Variants in SPATA13 observed in about 807,000 individuals in gnomAD.
SPATA13 encodes the protein spermatogenesis associated 13, also known as spermatogenesis-associated protein 13.
A neutral mutation model predicts 104.0 loss-of-function variants in SPATA13; 50 were observed. The ratio of observed to expected loss-of-function variants is 0.48; its 90% CI spans 0.38 to 0.61. The LOEUF is 0.61. SPATA13 is among the 20% of genes least tolerant of loss of function. The probability of loss-of-function intolerance (pLI) is 0.00; values close to 1 mark genes in which losing one functional copy is unlikely to be tolerated. For missense variants in SPATA13, 1,524 were observed against 1,690.6 expected, an observed-to-expected ratio of 0.90 and a Z score of 1.73; for synonymous variants, 606 against 667.5, an observed-to-expected ratio of 0.91 and a Z score of 1.42.
At chr13:24,245,134 G>A (rs191642709) in intron 2 of SPATA13, among the ~76,000 whole-genome samples, 15 of 152,294 alleles carry the variant, frequency 9.8e-5, no homozygotes, top group Admixed American at 3.9e-4. Context: ...GGCCCCGGCA[G>A]CCCACGCCGG....
At chr13:23,983,839 C>T (rs1271216101) in exon 2 of SPATA13, 12 of 977,880 alleles carry the variant, frequency 1.2e-5, no homozygotes, top group African/African-American at 5.3e-5. Context: ...GAGTCATATT[C>T]GCTGCCTGTG....
intron 4 of SPATA13, among the ~76,000 whole-genome samples, chr13:24,272,420 G>A (rs1236570632): frequency 2.0e-5 from 3 of 152,196 alleles, no homozygotes; most frequent in Non-Finnish European, 4.4e-5. Flanking sequence ...TCCTATATGC[G>A]CTATACTGAG....
chr13:24,180,061 G>A (rs1010861385), intron 1 of SPATA13, among the ~76,000 whole-genome samples: 26 of 152,114 alleles, frequency 1.7e-4, no homozygotes, highest in Admixed American at 1.2e-3. Context: ...TCATAGTGTT[G>A]TATTTGAGAA....
At chr13:24,260,428 C>T (rs915707657) in intron 4 of SPATA13, among the ~76,000 whole-genome samples, 4 of 152,218 alleles carry the variant, frequency 2.6e-5, no homozygotes, top group Admixed American at 1.3e-4. Context: ...GGCTCCTCTT[C>T]ACTGGTCCCA....
At chr13:24,016,120 T>C (rs1334631802) in intron 2 of SPATA13, among the ~76,000 whole-genome samples, 1 of 152,186 alleles carries the variant, frequency 6.6e-6, no homozygotes, top group Non-Finnish European at 1.5e-5. Flanking sequence ...GACTCGGGAC[T>C]CTGCGTATGT....
At chr13:24,239,466 G>A (rs184262631) in intron 2 of SPATA13, among the ~76,000 whole-genome samples, 8 of 152,090 alleles carry the variant, frequency 5.3e-5, no homozygotes, top group Admixed American at 3.9e-4. Context: ...ATGCTGAGGC[G>A]GGTGGATCCC....
chr13:24,076,912 T>A (rs1032592744), intron 3 of SPATA13, among the ~76,000 whole-genome samples: 2 of 151,966 alleles, frequency 1.3e-5, no homozygotes, highest in African/African-American at 4.8e-5. Context: ...ACACAGTCAT[T>A]GCAGCAGATC....
chr13:24,015,336 T>C (rs1306440417), intron 2 of SPATA13, among the ~76,000 whole-genome samples: 1 of 152,202 alleles, frequency 6.6e-6, no homozygotes, highest in East Asian at 1.9e-4. Context: ...TTTTCCCAAA[T>C]AGAGAACCTA....
At chr13:24,144,733 T>C (rs1005165795) in intron 3 of SPATA13, among the ~76,000 whole-genome samples, 3 of 152,002 alleles carry the variant, frequency 2.0e-5, no homozygotes, top group Non-Finnish European at 4.4e-5. Context: ...TAGTTGGTGT[T>C]TTCTTGACCA....
chr13:24,060,168 CT>C (rs1482330427), intron 3 of SPATA13, among the ~76,000 whole-genome samples: 1 of 152,202 alleles, frequency 6.6e-6, no homozygotes, highest in Non-Finnish European at 1.5e-5. Flanking sequence ...TATTACCTGA[CT>C]TAAAACTATA....
intron 2 of SPATA13, among the ~76,000 whole-genome samples, chr13:24,008,418 C>G (rs1012336327): frequency 6.6e-6 from 1 of 152,206 alleles, no homozygotes; most frequent in Non-Finnish European, 1.5e-5. Context: ...CGCTGATGCT[C>G]CATAGCCGGC....
At chr13:24,000,911 C>T (rs929320334) in intron 2 of SPATA13, among the ~76,000 whole-genome samples, 14 of 151,808 alleles carry the variant, frequency 9.2e-5, no homozygotes, top group Non-Finnish European at 1.3e-4. Context: ...CGGGAGATTC[C>T]CTGGGTCAGA....
chr13:24,305,480 TACC>T lies in SPATA13; in HGVS notation c.*2710_*2712del, dbSNP rs900329039. 6.6e-6 allele frequency: 1 copy of T among 152,254 alleles called. No individual in the cohort carries two copies. The highest frequency in any genetic ancestry group is 2.4e-5 in the African/African-American group (1 of 41,468). 9.4% of individuals were successfully genotyped at this position (152,254 alleles called of 1,614,324 possible). A position where few individuals can be genotyped will look rare whatever the true frequency, so the allele number is the denominator to read the frequency against. Reference sequence around the variant, plus strand: ...TCTGCATGTCTGGCTTGGGTTTTATTACCACATGCCTGAGTTCTTCAAGAATGG... The same window carrying T: ...TCTGCATGTCTGGCTTGGGTTTTATTACATGCCTGAGTTCTTCAAGAATGG... On this transcript the variant is annotated 3_prime_UTR_variant, in exon 13 of 13. Transcript: ENST00000382108.
chr13:24,275,737 CA>C (rs1460247829), intron 4 of SPATA13, among the ~76,000 whole-genome samples: 1 of 152,168 alleles, frequency 6.6e-6, no homozygotes, highest in Non-Finnish European at 1.5e-5. Flanking sequence ...AGTTTGAGAC[CA>C]GCCTGGCCAA....
At chr13:24,079,140 C>A (rs778702662) in intron 3 of SPATA13, among the ~76,000 whole-genome samples, 1 of 151,672 alleles carries the variant, frequency 6.6e-6, no homozygotes, top group Non-Finnish European at 1.5e-5. Context: ...GGGAGCAGTT[C>A]GGGGGAGGGC....
intron 3 of SPATA13, among the ~76,000 whole-genome samples, chr13:24,047,842 C>G (rs938353293): frequency 6.6e-6 from 1 of 152,186 alleles, no homozygotes; most frequent in East Asian, 1.9e-4. Flanking sequence ...ACAGGATCTG[C>G]TGTCTGTAAC....
intron 3 of SPATA13, among the ~76,000 whole-genome samples, chr13:24,081,891 T>A (rs1879533077): frequency 6.6e-6 from 1 of 152,188 alleles, no homozygotes; most frequent in Admixed American, 6.5e-5. Flanking sequence ...TGGAATAAGT[T>A]ACCTGGGCCC....
At chr13:24,069,262 T>G (rs1879077915) in intron 3 of SPATA13, among the ~76,000 whole-genome samples, 1 of 152,238 alleles carries the variant, frequency 6.6e-6, no homozygotes, top group Non-Finnish European at 1.5e-5. Flanking sequence ...GAGCATGGAA[T>G]GTTTTTCATT....
At chr13:23,998,712 C>T (rs1373774465) in intron 2 of SPATA13, among the ~76,000 whole-genome samples, 1 of 152,124 alleles carries the variant, frequency 6.6e-6, no homozygotes, top group Non-Finnish European at 1.5e-5. Context: ...CTAGGTTTTA[C>T]ATTTAGGTCT....
Sources: allele counts gnomAD v4.1 joint callset (sites outside exome capture counted in the v4.1 genomes callset), GRCh38; gene constraint gnomAD v4.1.1; transcripts MANE v1.5; gene names NCBI Gene and HGNC (gene_info 2026-07-23, HGNC 2026-07-21).